The following CIT variants were observed in gnomAD, a reference collection of about 807,000 sequenced individuals.
CIT encodes the protein citron Rho-interacting kinase.
A neutral mutation model predicts 272.7 loss-of-function variants in CIT; 79 were observed. That is an observed-to-expected ratio of 0.29 (90% confidence interval 0.24 to 0.35). The LOEUF (loss-of-function observed/expected upper bound fraction) is 0.35. Among genes scored for constraint, CIT ranks in the 10% least tolerant of loss-of-function variants. The pLI, the probability that CIT is intolerant of heterozygous loss-of-function variation, is 1.00. For synonymous variants in CIT, 948 were observed against 995.6 expected (o/e 0.95, Z 0.90); for missense variants, 1,909 against 2,618.3 (o/e 0.73, Z 5.91).
At chr12:119,692,091 T>C (rs1446911980) in intron 46 of CIT, among the ~76,000 whole-genome samples, 1 of 152,200 alleles carries the variant, frequency 6.6e-6, no homozygotes, top group Non-Finnish European at 1.5e-5. Flanking sequence ...GCTGCTAACA[T>C]GCTCTGACAC....
Position 119,714,310 on chromosome 12 carries a change from C to T in CIT, c.4193G>A (p.Arg1398His), listed in dbSNP as rs774914678. The part of the protein sequence containing the change: ...PEEFSRRLKE[R>H]MHHNIPHRFN... ...TCGGTGAGGAATATTGTGGTGCATG[C>T]GTTCCTTAAGACGCCGACTAAATTC... The change falls in exon 33 of 48, where the codon CGC becomes CAC. Residue 1398 changes from arginine to histidine, a missense_variant. Around this residue, in one of 8 missense-constraint regions of CIT, gnomAD observed 780 missense variants for 1,067.2 expected, o/e 0.73. Transcript: ENST00000392521. 1.1e-5 allele frequency: 18 copies of T among 1,613,732 alleles called. No individual in the cohort carries two copies. The highest frequency in any genetic ancestry group is 6.7e-5 in the East Asian group (3 of 44,882).
chr12:119,700,382 T>G (rs963630947), intron 44 of CIT, among the ~76,000 whole-genome samples: 5 of 151,890 alleles, frequency 3.3e-5, no homozygotes, highest in Admixed American at 6.6e-5. Flanking sequence ...GCAATTGCGG[T>G]TTTTTTTGTT....
rs1566038525 is a variant in CIT, at chr12:119,784,024, G to A, written c.1429C>T (p.Arg477Trp). The A allele has an allele frequency of 6.2e-6, 10 of 1,612,354 alleles. No individual in the cohort carries two copies. The highest frequency in any genetic ancestry group is 8.5e-6 in the Non-Finnish European group (10 of 1,179,152). Residue 477 changes from arginine to tryptophan, a missense_variant, in exon 12 of 48, where the codon CGG becomes TGG. Transcript: ENST00000392521. This position sits in a 1 kb window ranked among gnomAD's most constrained non-coding sequence, Gnocchi z 4.7. ...ACAGCCTCCACCTCTGACACTCTCC[G>A]ATGTAACCGGGTCATTTCCTGCTCC... ...KMEQEMTRLH[R>W]RVSEVEAVLS...
rs1396424460 is a variant in CIT at position 119,694,309 on chromosome 12, T to G, written c.5882+3350A>C. Among the ~76,000 whole-genome samples, 2 of 152,198 alleles carry G rather than the reference T, an allele frequency of 1.3e-5. No individual in the cohort carries two copies. The highest frequency in any genetic ancestry group is 6.5e-5 in the Admixed American group (1 of 15,284). On this transcript the variant is annotated intron_variant, in intron 46 of 47. Transcript: ENST00000392521. The surrounding 1 kb of genome is among the most constrained non-coding windows in gnomAD (Gnocchi z 4.5). Reference sequence around the variant, plus strand: ...ATGACGTAAGGAGAAAGTCATTTATTGCAGCAACAGATTGGAGACAACTCG... The same window carrying G: ...ATGACGTAAGGAGAAAGTCATTTATGGCAGCAACAGATTGGAGACAACTCG...
chr12:119,772,001 T>G (rs1963209751), intron 17 of CIT, among the ~76,000 whole-genome samples: 1 of 152,046 alleles, frequency 6.6e-6, no homozygotes, highest in Non-Finnish European at 1.5e-5. Flanking sequence ...ATTCAGGCAC[T>G]CAGTTGGAAT....
rs148327077 is a variant in CIT, at chr12:119,696,660, G to A, written c.5882+999C>T. Among the ~76,000 whole-genome samples the A allele has an allele frequency of 2.2e-3, 340 of 152,200 alleles. 2 individuals are homozygous for A. The highest frequency in any genetic ancestry group is 7.7e-3 in the African/African-American group (320 of 41,516). On this transcript the variant is annotated intron_variant, in intron 46 of 47. Coordinates refer to ENST00000392521, the MANE Select transcript of CIT (RefSeq NM_001206999.2). ...CGCCACCTCAGCCTCCAGAGTAGCC[G>A]GGATTACAGGCACACACCACCACAC...
intron 32 of CIT, among the ~76,000 whole-genome samples, chr12:119,717,294 C>T (rs1440026655): frequency 2.0e-5 from 3 of 152,056 alleles, no homozygotes; most frequent in African/African-American, 4.8e-5. Context: ...TCAGGTGATC[C>T]GCCCACCTCA....
intron 9 of CIT, among the ~76,000 whole-genome samples, chr12:119,815,300 T>C (rs962163382): frequency 6.6e-6 from 1 of 150,426 alleles, no homozygotes; most frequent in Non-Finnish European, 1.5e-5. Context: ...CAGAAACCAA[T>C]GGCTGAGTGG....
In CIT at chr12:119,712,459, C is replaced by T. The variant is rs948778040; in HGVS notation, c.4685-112G>A. 58 of 1,418,174 alleles carry T rather than the reference C, an allele frequency of 4.1e-5. No homozygotes were observed. The Middle Eastern group carries it at 8.0e-4, about 20-fold the overall frequency. The allele number at this position is 1,418,174 out of a possible 1,614,324, so 87.8% of individuals were successfully genotyped here. A position where few individuals can be genotyped will look rare whatever the true frequency, so the allele number is the denominator to read the frequency against. On this transcript the variant is annotated intron_variant, in intron 36 of 47. Coordinates refer to ENST00000392521, the MANE Select transcript of CIT (RefSeq NM_001206999.2). This position sits in a 1 kb window ranked among gnomAD's most constrained non-coding sequence, Gnocchi z 5.2. ...ACCAAACCACGCAAATCCCAGTTAC[C>T]GCCAAGGCGGGGAGCGGAGGAAGAT...
intron 9 of CIT, among the ~76,000 whole-genome samples, chr12:119,808,702 C>T (rs1057366579): frequency 5.9e-5 from 9 of 152,206 alleles, no homozygotes; most frequent in Admixed American, 1.3e-4. Flanking sequence ...AGTGGGCATG[C>T]GCTAATATTC....
Position 119,718,928 on chromosome 12 carries a change from T to G in CIT, c.3841-67A>C. ...GGCACTTGAAACTAGCTAAAGGAAATCTGACTCGGGAGGAGCAAACCACAA... is the reference window on the plus strand; with the variant it reads ...GGCACTTGAAACTAGCTAAAGGAAAGCTGACTCGGGAGGAGCAAACCACAA... On this transcript the variant is annotated intron_variant, in intron 30 of 47. Transcript: ENST00000392521. This position sits in a 1 kb window ranked among gnomAD's most constrained non-coding sequence, Gnocchi z 4.8. 1 of 1,540,794 alleles carries G rather than the reference T, an allele frequency of 6.5e-7. No homozygotes were observed. The highest frequency in any genetic ancestry group is 1.1e-5 in the South Asian group (1 of 87,092).
At chr12:119,799,810 C>T (rs563979477) in intron 10 of CIT, among the ~76,000 whole-genome samples, 1 of 151,466 alleles carries the variant, frequency 6.6e-6, no homozygotes, top group Non-Finnish European at 1.5e-5. Context: ...TCAAAACTTA[C>T]AAGTTTGTAA....
chr12:119,752,179 C>T lies in CIT; in HGVS notation c.2775G>A (p.Leu925=). Residue 925 remains leucine, a synonymous_variant, in exon 23 of 48, where the codon CTG becomes CTA. Coordinates refer to ENST00000392521, the MANE Select transcript of CIT (RefSeq NM_001206999.2). ...CTGTCAACTGTGACTCGCGCTCCTGCAGGGAGAGCTGTAGCTCTGTGAGCT... is the reference window on the plus strand; with the variant it reads ...CTGTCAACTGTGACTCGCGCTCCTGTAGGGAGAGCTGTAGCTCTGTGAGCT... ...KRQLTELQLS[L]QERESQLTAL... is the part of the protein sequence containing the mutation. 1 of 1,612,320 alleles carries T rather than the reference C, an allele frequency of 6.2e-7. No individual in the cohort carries two copies. Among genetic ancestry groups the T allele is most frequent in the Middle Eastern group, 1.7e-4 (1 of 5,972 alleles).
At chr12:119,815,482 G>A (rs528503025) in intron 9 of CIT, among the ~76,000 whole-genome samples, 6 of 152,244 alleles carry the variant, frequency 3.9e-5, no homozygotes, top group East Asian at 3.9e-4. Context: ...CGAGGTGGGC[G>A]GATTACCTGA....
At chr12:119,828,597 C>T (rs1016536073) in intron 7 of CIT, among the ~76,000 whole-genome samples, 4 of 151,300 alleles carry the variant, frequency 2.6e-5, no homozygotes, top group African/African-American at 4.9e-5. Flanking sequence ...AAAGACTGCT[C>T]TGTCGCCCAG....
chr12:119,822,832 T>C lies in CIT; in HGVS notation c.1099A>G (p.Asn367Asp). ...HPFFSKIDWNNIRNSPPPFVP... is the reference protein window; with the variant it reads ...HPFFSKIDWNDIRNSPPPFVP... Reference sequence around the variant, plus strand: ...CAGCCCTACTTACAGTTACGAATGTTGTTCCAGTCAATTTTAGAGAAGAAA... The same window carrying C: ...CAGCCCTACTTACAGTTACGAATGTCGTTCCAGTCAATTTTAGAGAAGAAA... Residue 367 changes from asparagine (N) to aspartate (D), a missense_variant, in exon 9 of 48, where the codon AAC becomes GAC. Around this residue, in one of 8 missense-constraint regions of CIT, gnomAD observed 529 missense variants for 549.6 expected, o/e 0.96. Transcript: ENST00000392521. The C allele has an allele frequency of 1.9e-6, 3 of 1,614,116 alleles. No homozygotes were observed. Among genetic ancestry groups the C allele is most frequent in the Non-Finnish European group, 2.5e-6 (3 of 1,180,014 alleles).
At chr12:119,795,056 C>CA (rs1965620866) in intron 10 of CIT, among the ~76,000 whole-genome samples, 1 of 151,972 alleles carries the variant, frequency 6.6e-6, no homozygotes, top group Admixed American at 6.6e-5. Flanking sequence ...CAGTCAGTCC[C>CA]AAAAAAATAG....
chr12:119,697,729 T>C lies in CIT; in HGVS notation c.5812A>G (p.Ile1938Val). The C allele has an allele frequency of 6.2e-7, 1 of 1,614,170 alleles. No homozygotes were observed. Among genetic ancestry groups the C allele is most frequent in the Non-Finnish European group, 8.5e-7 (1 of 1,180,040 alleles). ...ASSYQDKLRV[I>V]CCKGNLVKES... is the part of the protein sequence containing the mutation. ...TTCACGAGGTTTCCCTTGCAGCAAA[T>C]GACCCTTAATTTATCCTGGTATGAG... Residue 1938 changes from isoleucine to valine, a missense_variant, in exon 46 of 48, where the codon ATT becomes GTT. Ile to Val is a conservative substitution (Grantham distance 29). This residue lies in a region of CIT where 780 missense variants were observed against 1,067.2 expected (regional missense o/e 0.73). Transcript: ENST00000392521. The surrounding 1 kb of genome is among the most constrained non-coding windows in gnomAD (Gnocchi z 4.9).
chr12:119,795,640 G>A (rs1965672119), intron 10 of CIT, among the ~76,000 whole-genome samples: 1 of 152,156 alleles, frequency 6.6e-6, no homozygotes, highest in Non-Finnish European at 1.5e-5. Flanking sequence ...GCATAATCTA[G>A]CAAAGTCATG....
Sources: gnomAD v4.1 joint callset for allele counts (sites outside exome capture counted in the v4.1 genomes callset) on GRCh38, gnomAD v4.1.1 for gene constraint, gnomAD v4.1.1 regional missense constraint, Gnocchi (gnomAD v3.1) non-coding constraint, MANE v1.5 for transcripts, NCBI Gene and HGNC (gene_info 2026-07-23, HGNC 2026-07-21) for gene names.